The following TENM1 variants were observed in gnomAD, a reference collection of about 807,000 sequenced individuals.
The protein encoded by TENM1 is teneurin transmembrane protein 1, also known as teneurin-1.
Under a neutral mutation model 174.8 loss-of-function variants are expected in TENM1, and 35 were observed. That is an observed-to-expected ratio of 0.20 (90% CI 0.15 to 0.27). TENM1 has a LOEUF of 0.27. Ranked by LOEUF, TENM1 falls within the 10% of genes least tolerant of loss-of-function variation. The pLI, the probability that TENM1 is intolerant of heterozygous loss-of-function variation, is 1.00. For synonymous variants in TENM1, 781 were observed against 798.7 expected (o/e 0.98, Z 0.37); for missense variants, 1,633 against 2,130.1 (o/e 0.77, Z 4.59).
At chrX:124,978,666 C>A in the TENM1 span, among the ~76,000 whole-genome samples, 1 of 111,809 alleles carries the variant, frequency 8.9e-6, no homozygotes, top group Non-Finnish European at 1.9e-5. Flanking sequence ...GTCCTTGTAG[C>A]ATTGTGGCTG....
intron 14 of TENM1, among the ~76,000 whole-genome samples, chrX:124,559,375 T>C (rs1476338050): frequency 8.9e-6 from 1 of 111,794 alleles, no homozygotes; most frequent in African/African-American, 3.3e-5. Flanking sequence ...GTAGTGTTAA[T>C]GGTAGTTCCT....
intron 4 of TENM1, among the ~76,000 whole-genome samples, chrX:124,736,266 T>G (rs1200551316): frequency 1.8e-5 from 2 of 112,021 alleles, no homozygotes; most frequent in Non-Finnish European, 3.8e-5. Flanking sequence ...ATTTCTTTAT[T>G]AATTGTATCT....
At chrX:124,532,000 G>C (rs1459750006) in intron 15 of TENM1, among the ~76,000 whole-genome samples, 1 of 111,895 alleles carries the variant, frequency 8.9e-6, no homozygotes, top group African/African-American at 3.2e-5. Flanking sequence ...TTCCAGGGGG[G>C]CTGTGAAGAG....
the TENM1 span, among the ~76,000 whole-genome samples, chrX:125,201,787 TTTAA>T: frequency 4.1e-4 from 46 of 111,973 alleles, no homozygotes; most frequent in African/African-American, 1.4e-3. Flanking sequence ...CCTGAAAGCT[TTTAA>T]TTACTCTTAA....
intron 11 of TENM1, among the ~76,000 whole-genome samples, chrX:124,608,752 G>A (rs2050215446): frequency 1.9e-5 from 2 of 107,324 alleles, no homozygotes; most frequent in African/African-American, 6.7e-5. Flanking sequence ...ATAGTCAGGG[G>A]AAAGAACTGA....
chrX:124,567,487 C>T (rs1006638234), intron 11 of TENM1, among the ~76,000 whole-genome samples: 8 of 111,506 alleles, frequency 7.2e-5, no homozygotes, highest in South Asian at 3.8e-4. Flanking sequence ...AAGTAAGGCA[C>T]GGGCAGAGAA....
chrX:124,679,091 T>C (rs1383561972), intron 5 of TENM1, among the ~76,000 whole-genome samples: 1 of 112,333 alleles, frequency 8.9e-6, no homozygotes, highest in Non-Finnish European at 1.9e-5. Context: ...TGCAAGAATT[T>C]TGGGTTTTTA....
chrX:125,050,317 C>T, the TENM1 span, among the ~76,000 whole-genome samples: 2 of 109,519 alleles, frequency 1.8e-5, no homozygotes, highest in African/African-American at 6.7e-5. Flanking sequence ...CCCCCTGCCC[C>T]CACCCCACAA....
At chrX:124,985,523 G>A in the TENM1 span, among the ~76,000 whole-genome samples, 5 of 111,664 alleles carry the variant, frequency 4.5e-5, no homozygotes, top group African/African-American at 9.8e-5. Context: ...TCCTGACATC[G>A]GAATACACAT....
intron 3 of TENM1, among the ~76,000 whole-genome samples, chrX:124,747,149 CAATA>C (rs201159170): frequency 0.15 from 14,620 of 99,716 alleles, 1,983 homozygotes; most frequent in African/African-American, 0.39. Flanking sequence ...AAGACTATTT[CAATA>C]AATAAATAAA....
intron 1 of TENM1, among the ~76,000 whole-genome samples, chrX:124,919,751 A>G (rs2057990403): frequency 8.9e-6 from 1 of 111,811 alleles, no homozygotes; most frequent in Admixed American, 9.5e-5. Context: ...TTTTCCCTCT[A>G]GCTTTCTACT....
In TENM1 at chrX:124,580,329, C is replaced by T. The variant is rs772270267; in HGVS notation, c.2078-14769G>A. Among the ~76,000 whole-genome samples, 6 of 110,832 alleles carry T rather than the reference C, an allele frequency of 5.4e-5. No homozygotes were observed. In the East Asian group the frequency reaches 8.5e-4, roughly 16 times the overall value. On this transcript the variant is annotated intron_variant, in intron 11 of 31. Transcript: ENST00000422452. The stretch of plus-strand genomic sequence containing the variant: ...ACATGTGTGAACCTGGAGGATGTTA[C>T]GCTAAGTGGAATAAGCCATGTGCTG...
chrX:125,145,353 GA>G, the TENM1 span, among the ~76,000 whole-genome samples: 1 of 111,938 alleles, frequency 8.9e-6, no homozygotes, highest in African/African-American at 3.2e-5. Context: ...ACAAATACTG[GA>G]AATCATCAAG....
chrX:124,386,465 G>A (rs2060220045), intron 28 of TENM1, among the ~76,000 whole-genome samples: 1 of 111,212 alleles, frequency 9.0e-6, no homozygotes, highest in South Asian at 3.8e-4. Flanking sequence ...CGGGGGCAGG[G>A]GTAGGGAAAG....
At position 124,426,941 on chromosome X, in the gene TENM1, A is replaced by C. The variant is rs143415039; in HGVS notation, c.4105-4303T>G. Among the ~76,000 whole-genome samples, 613 of 111,058 alleles carry C rather than the reference A, an allele frequency of 5.5e-3. 3 individuals are homozygous for C. Among genetic ancestry groups the C allele is most frequent in the African/African-American group, 0.019 (592 of 30,562 alleles). On this transcript the variant is annotated intron_variant, in intron 23 of 31. Transcript: ENST00000422452. ...GGAGAGTGAACGCCTGCTGCTTTGG[A>C]GGGCGCTGACTCCTCCACTGTGTGC... is the stretch of plus-strand genomic sequence containing the variant.
chrX:124,721,386 A>C lies in TENM1; in HGVS notation c.776+15571T>G, dbSNP rs757850271. 6.2e-5 allele frequency among the ~76,000 whole-genome samples: 7 copies of C among 112,262 alleles called. No homozygotes were observed. In the East Asian group the frequency reaches 1.9e-3, roughly 31 times the overall value. ...AGATTAAATTATGATCATTTGGATT[A>C]ACATGGAAAGTAGATTCATATTTAA... On this transcript the variant is annotated intron_variant, in intron 4 of 31. Coordinates refer to ENST00000422452, the Ensembl canonical transcript of TENM1.
the TENM1 span, among the ~76,000 whole-genome samples, chrX:125,002,658 G>T: frequency 7.2e-5 from 8 of 111,635 alleles, no homozygotes; most frequent in African/African-American, 2.6e-4. Context: ...AACATTTATT[G>T]CTGTACATTT....
chrX:124,787,499 A>G (rs2055068430), intron 3 of TENM1, among the ~76,000 whole-genome samples: 1 of 111,176 alleles, frequency 9.0e-6, no homozygotes, highest in Non-Finnish European at 1.9e-5. Context: ...TGTAGGTGAT[A>G]TCCATTGCTT....
rs562562929 is a variant in TENM1 at position 124,677,692 on chromosome X, T to C, written c.1016-5857A>G. ...TGGTACACGCTTACTATGAAATCCT[T>C]TATAAGAATTAAAAGGACTGATACT... is the stretch of plus-strand genomic sequence containing the variant. On this transcript the variant is annotated intron_variant, in intron 5 of 31. Coordinates refer to ENST00000422452, the Ensembl canonical transcript of TENM1. Among the ~76,000 whole-genome samples, 9 of 111,385 alleles carry C rather than the reference T, an allele frequency of 8.1e-5. No individual in the cohort carries two copies. In the South Asian group the frequency reaches 3.4e-3, roughly 42 times the overall value.
Sources: gnomAD v4.1 joint callset for allele counts (sites outside exome capture counted in the v4.1 genomes callset) on GRCh38, gnomAD v4.1.1 for gene constraint, MANE v1.5 for transcripts, NCBI Gene and HGNC (gene_info 2026-07-23, HGNC 2026-07-21) for gene names.